The following GSK3B variants were observed in gnomAD, a reference collection of about 807,000 sequenced individuals.
GSK3B encodes the protein glycogen synthase kinase-3 beta.
GSK3B carries 15 observed loss-of-function variants against 56.4 expected under a neutral mutation model. That is an observed-to-expected ratio of 0.27 (90% CI 0.18 to 0.41). The LOEUF is 0.41. GSK3B is among the 10% of genes least tolerant of loss of function. The pLI is 1.00. For missense variants in GSK3B, 300 were observed against 513.4 expected, an observed-to-expected ratio of 0.58 and a Z score of 4.02; for synonymous variants, 181 against 188.9, an observed-to-expected ratio of 0.96 and a Z score of 0.34.
At chr3:119,983,091 T>C (rs1456971860) in intron 2 of GSK3B, among the ~76,000 whole-genome samples, 1 of 152,156 alleles carries the variant, frequency 6.6e-6, no homozygotes, top group Non-Finnish European at 1.5e-5. Context: ...CAGAATCTCA[T>C]ATCCAGCCAA....
intron 7 of GSK3B, among the ~76,000 whole-genome samples, chr3:119,898,152 A>C (rs2056588673): frequency 6.6e-6 from 1 of 152,184 alleles, no homozygotes; most frequent in Non-Finnish European, 1.5e-5. Context: ...AAAATAATCA[A>C]ACACAAAGAC....
intron 5 of GSK3B, among the ~76,000 whole-genome samples, chr3:119,913,980 G>C (rs1219754881): frequency 6.6e-6 from 1 of 152,054 alleles, no homozygotes; most frequent in Non-Finnish European, 1.5e-5. Context: ...TAATTAACAA[G>C]ATAGATGCTA....
At chr3:119,938,365 C>CA (rs2057016017) in intron 3 of GSK3B, among the ~76,000 whole-genome samples, 1 of 151,838 alleles carries the variant, frequency 6.6e-6, no homozygotes, top group Non-Finnish European at 1.5e-5. Flanking sequence ...AATATAAACG[C>CA]AAAAATCCTC....
At chr3:119,922,774 T>C (rs1005325468) in intron 4 of GSK3B, among the ~76,000 whole-genome samples, 1 of 152,124 alleles carries the variant, frequency 6.6e-6, no homozygotes, top group African/African-American at 2.4e-5. Context: ...CACAATGCCA[T>C]AGTTAATAAA....
At chr3:120,007,205 T>A (rs111394870) in intron 1 of GSK3B, among the ~76,000 whole-genome samples, 3 of 152,082 alleles carry the variant, frequency 2.0e-5, no homozygotes. Context: ...CTCCCAAGAC[T>A]AAACCAGGAA....
chr3:120,017,796 C>G (rs1298276611), intron 1 of GSK3B, among the ~76,000 whole-genome samples: 1 of 152,186 alleles, frequency 6.6e-6, no homozygotes, highest in Non-Finnish European at 1.5e-5. Context: ...GGGGGCGTCC[C>G]ATTTTATGAC....
chr3:119,975,272 C>T (rs915424353), intron 2 of GSK3B, among the ~76,000 whole-genome samples: 1 of 152,124 alleles, frequency 6.6e-6, no homozygotes, highest in Non-Finnish European at 1.5e-5. Flanking sequence ...CATGGTGAAA[C>T]CCAGTCTCTA....
chr3:119,849,431 C>T (rs768057417), intron 9 of GSK3B, among the ~76,000 whole-genome samples: 9 of 152,128 alleles, frequency 5.9e-5, no homozygotes, highest in Non-Finnish European at 1.2e-4. Flanking sequence ...TAAAATAAAC[C>T]TAAAAATGAA....
intron 1 of GSK3B, among the ~76,000 whole-genome samples, chr3:120,026,002 G>C (rs2107515219): frequency 6.6e-6 from 1 of 152,232 alleles, no homozygotes; most frequent in Non-Finnish European, 1.5e-5. Flanking sequence ...CAGATTAAGA[G>C]GATAAAATGT....
rs147163378 is a variant in GSK3B, at chr3:119,942,957, G to T, written c.366+4311C>A. 5.7e-3 allele frequency among the ~76,000 whole-genome samples: 871 copies of T among 152,292 alleles called. 4 individuals are homozygous for T. The highest frequency in any genetic ancestry group is 9.3e-3 in the Admixed American group (143 of 15,298). Reference sequence around the variant, plus strand: ...CATAGAGTATACGAATTGACTACATGATGCTCTAGTTACTACAGCAAACAT... The same window carrying T: ...CATAGAGTATACGAATTGACTACATTATGCTCTAGTTACTACAGCAAACAT... On this transcript the variant is annotated intron_variant, in intron 3 of 10. Transcript: ENST00000264235.
intron 10 of GSK3B, among the ~76,000 whole-genome samples, chr3:119,831,525 C>A (rs948642121): frequency 6.6e-6 from 1 of 151,778 alleles, no homozygotes; most frequent in Non-Finnish European, 1.5e-5. Context: ...GGCATAGTGG[C>A]GGGCGCCTGT....
At chr3:119,873,046 T>A (rs2108045153) in intron 8 of GSK3B, among the ~76,000 whole-genome samples, 1 of 152,244 alleles carries the variant, frequency 6.6e-6, no homozygotes, top group South Asian at 2.1e-4. Flanking sequence ...TAGGTCTTCA[T>A]CCCCTCACCT....
intron 2 of GSK3B, among the ~76,000 whole-genome samples, chr3:119,962,871 T>C (rs113730686): frequency 6.6e-6 from 1 of 152,254 alleles, no homozygotes; most frequent in African/African-American, 2.4e-5. Context: ...CGCATGCGGA[T>C]GTCACAATAG....
intron 4 of GSK3B, among the ~76,000 whole-genome samples, chr3:119,922,006 G>A (rs1247249976): frequency 2.0e-5 from 3 of 151,936 alleles, no homozygotes; most frequent in South Asian, 2.1e-4. Flanking sequence ...GCATGGTCGC[G>A]TGTGCCTGTA....
intron 4 of GSK3B, among the ~76,000 whole-genome samples, chr3:119,919,904 T>G (rs1453046394): frequency 6.6e-6 from 1 of 150,544 alleles, no homozygotes; most frequent in Non-Finnish European, 1.5e-5. Flanking sequence ...TATTTTTAAC[T>G]GAAAAAAAAG....
At chr3:119,934,626 G>T (rs574949110) in intron 3 of GSK3B, among the ~76,000 whole-genome samples, 3 of 152,166 alleles carry the variant, frequency 2.0e-5, no homozygotes, top group Non-Finnish European at 4.4e-5. Flanking sequence ...CAAAAACCAA[G>T]GACATCTGAA....
At chr3:120,047,922 T>C (rs140908019) in intron 1 of GSK3B, among the ~76,000 whole-genome samples, 231 of 152,352 alleles carry the variant, frequency 1.5e-3, no homozygotes, top group Middle Eastern at 3.4e-3. Flanking sequence ...CTGCTGTATA[T>C]GTTCTACCTC....
intron 3 of GSK3B, among the ~76,000 whole-genome samples, chr3:119,944,842 T>A (rs527663345): frequency 6.6e-6 from 1 of 152,296 alleles, no homozygotes; most frequent in African/African-American, 2.4e-5. Context: ...GAAAAATGCC[T>A]ACCAAATATA....
At chr3:119,937,163 C>T (rs2057003841) in intron 3 of GSK3B, among the ~76,000 whole-genome samples, 1 of 152,054 alleles carries the variant, frequency 6.6e-6, no homozygotes. Flanking sequence ...TAACAGACAA[C>T]ACACTTGCTA....
Sources: gnomAD v4.1 joint callset for allele counts (sites outside exome capture counted in the v4.1 genomes callset) on GRCh38, gnomAD v4.1.1 for gene constraint, MANE v1.5 for transcripts, NCBI Gene and HGNC (gene_info 2026-07-23, HGNC 2026-07-21) for gene names.